Variants in WDTC1 observed in about 807,000 individuals in gnomAD.
WDTC1 encodes WD and tetratricopeptide repeats 1.
In WDTC1, 12 loss-of-function variants were observed where a neutral mutation model predicts 76.0. That is an observed-to-expected ratio of 0.16 (90% confidence interval 0.10 to 0.26). WDTC1 has a LOEUF of 0.26. Ranked by LOEUF, WDTC1 falls within the 10% of genes least tolerant of loss-of-function variation. WDTC1 has a pLI of 1.00. For synonymous variants in WDTC1, 326 were observed against 350.8 expected (o/e 0.93, Z 0.79); for missense variants, 511 against 908.8 (o/e 0.56, Z 5.63).
chr1:27,249,233 C>T (rs2011954060), intron 1 of WDTC1, among the ~76,000 whole-genome samples: 1 of 149,494 alleles, frequency 6.7e-6, no homozygotes, highest in African/African-American at 2.5e-5. Flanking sequence ...GGCACCACTG[C>T]ACTCCAGCCT....
intron 5 of WDTC1, among the ~76,000 whole-genome samples, chr1:27,285,009 A>G (rs1445923600): frequency 7.3e-6 from 1 of 136,334 alleles, no homozygotes; most frequent in Admixed American, 7.4e-5. Context: ...AATCATGTCT[A>G]TTTCATCTAG....
At chr1:27,245,316 T>C (rs1171196867) in intron 1 of WDTC1, among the ~76,000 whole-genome samples, 1 of 151,802 alleles carries the variant, frequency 6.6e-6, no homozygotes, top group Non-Finnish European at 1.5e-5. Flanking sequence ...AGTCATGCCA[T>C]TATTCATTCA....
intron 1 of WDTC1, among the ~76,000 whole-genome samples, chr1:27,240,889 C>T (rs1033613896): frequency 2.7e-5 from 4 of 149,968 alleles, no homozygotes; most frequent in African/African-American, 7.3e-5. Flanking sequence ...GCAGGAGAAT[C>T]GCATGAACTC....
Position 27,303,676 on chromosome 1 carries a change from C to A in WDTC1, c.1524C>A (p.Arg508=). The change falls in exon 14 of 16, where the codon CGC becomes CGA. Residue 508 remains arginine, a synonymous_variant. Coordinates refer to ENST00000319394, the MANE Select transcript of WDTC1 (RefSeq NM_001276252.2). This position sits in a 1 kb window ranked among gnomAD's most constrained non-coding sequence, Gnocchi z 4.8. ...CAGTCCGCCTCCGCAGCACGAGCCGCAAGGACTCCATCTCAGAGGATGAAA... is the reference window on the plus strand; with the variant it reads ...CAGTCCGCCTCCGCAGCACGAGCCGAAAGGACTCCATCTCAGAGGATGAAA... ...GAPVRLRSTS[R]KDSISEDEMV... is the part of the protein sequence containing the mutation. 1 of 1,613,238 alleles carries A rather than the reference C, an allele frequency of 6.2e-7. No individual in the cohort carries two copies.
At chr1:27,260,079 T>G (rs1273916673) in intron 1 of WDTC1, among the ~76,000 whole-genome samples, 1 of 151,588 alleles carries the variant, frequency 6.6e-6, no homozygotes, top group Non-Finnish European at 1.5e-5. Flanking sequence ...CCTACCAGGA[T>G]TTTTTTTGTT....
At chr1:27,242,748 C>T (rs1031886887) in intron 1 of WDTC1, among the ~76,000 whole-genome samples, 12 of 152,276 alleles carry the variant, frequency 7.9e-5, no homozygotes, top group Non-Finnish European at 1.5e-4. Flanking sequence ...GGATTACAGG[C>T]GTGAGCCACC....
At chr1:27,239,402 T>G (rs983542449) in intron 1 of WDTC1, among the ~76,000 whole-genome samples, 4 of 150,656 alleles carry the variant, frequency 2.7e-5, no homozygotes, top group African/African-American at 9.7e-5. Context: ...TGTGCCTGTA[T>G]TCCCATCTAC....
intron 14 of WDTC1, chr1:27,304,196 G>A: frequency 4.4e-6 from 1 of 226,716 alleles, no homozygotes; most frequent in Non-Finnish European, 8.7e-6. Flanking sequence ...TCTGTTTTGT[G>A]CTCAAAACTG....
At chr1:27,269,901 C>T (rs1303121077) in intron 3 of WDTC1, among the ~76,000 whole-genome samples, 7 of 140,898 alleles carry the variant, frequency 5.0e-5, no homozygotes, top group Middle Eastern at 3.5e-3. Context: ...TGAGCCACCA[C>T]GCCCGGCCTT....
intron 3 of WDTC1, among the ~76,000 whole-genome samples, chr1:27,273,642 T>G (rs2012937743): frequency 6.6e-6 from 1 of 152,318 alleles, no homozygotes; most frequent in African/African-American, 2.4e-5. Flanking sequence ...GACTATACGT[T>G]AGACAACAGT....
intron 5 of WDTC1, among the ~76,000 whole-genome samples, chr1:27,287,162 CA>C (rs879373974): frequency 2.9e-4 from 36 of 125,210 alleles, no homozygotes; most frequent in Non-Finnish European, 2.7e-4. Context: ...GACGCTGTCT[CA>C]AAAAAAAAAA....
At chr1:27,275,198 T>C (rs2012986592) in intron 3 of WDTC1, among the ~76,000 whole-genome samples, 1 of 152,228 alleles carries the variant, frequency 6.6e-6, no homozygotes, top group African/African-American at 2.4e-5. Flanking sequence ...TTGTTTCTTA[T>C]ATTATTTTAG....
At chr1:27,237,885 A>AG (rs1420136034) in intron 1 of WDTC1, among the ~76,000 whole-genome samples, 2 of 151,768 alleles carry the variant, frequency 1.3e-5, no homozygotes, top group South Asian at 2.1e-4. Flanking sequence ...AGAAAAGAAA[A>AG]GAAAAAAAAG....
At chr1:27,285,278 C>T (rs181670791) in intron 5 of WDTC1, among the ~76,000 whole-genome samples, 1 of 152,150 alleles carries the variant, frequency 6.6e-6, no homozygotes, top group African/African-American at 2.4e-5. Flanking sequence ...CTCAGGTTAT[C>T]CACCCACCTA....
Position 27,303,390 on chromosome 1 carries a change from G to A in WDTC1, c.1469-231G>A, listed in dbSNP as rs1475652909. 1.3e-5 allele frequency among the ~76,000 whole-genome samples: 2 copies of A among 152,142 alleles called. No individual in the cohort carries two copies. The highest frequency in any genetic ancestry group is 2.9e-5 in the Non-Finnish European group (2 of 68,022). On this transcript the variant is annotated intron_variant, in intron 13 of 15. Coordinates refer to ENST00000319394, the MANE Select transcript of WDTC1 (RefSeq NM_001276252.2). This position sits in a 1 kb window ranked among gnomAD's most constrained non-coding sequence, Gnocchi z 4.8. ...TGGGGCTTTCAGGCCCTCATTTAGG[G>A]ACCTGAACCAGGGCCCTCCTGGCAT...
intron 12 of WDTC1, among the ~76,000 whole-genome samples, chr1:27,298,489 G>A (rs1446945788): frequency 3.7e-4 from 56 of 152,212 alleles, no homozygotes; most frequent in Admixed American, 3.7e-3. Flanking sequence ...GTGGAAATGA[G>A]GGGTTTGGTG....
intron 5 of WDTC1, among the ~76,000 whole-genome samples, chr1:27,287,438 C>T (rs969143712): frequency 5.9e-5 from 9 of 151,996 alleles, no homozygotes; most frequent in Non-Finnish European, 1.3e-4. Context: ...GGCACAATCT[C>T]GGCTCACTGC....
chr1:27,262,319 T>A (rs2012506133), intron 2 of WDTC1, among the ~76,000 whole-genome samples: 1 of 152,188 alleles, frequency 6.6e-6, no homozygotes, highest in Non-Finnish European at 1.5e-5. Context: ...TATGTGCCTC[T>A]ACATGAGCCA....
chr1:27,252,753 G>A lies in WDTC1; in HGVS notation c.-99-8203G>A, dbSNP rs550350813. On this transcript the variant is annotated intron_variant, in intron 1 of 15. Coordinates refer to ENST00000319394, the MANE Select transcript of WDTC1 (RefSeq NM_001276252.2). ...GTGGAGGCTGCATTGAGCTGAGATC[G>A]CACCACTGCACCCCAGCCTGGGTGA... Among the ~76,000 whole-genome samples, 6 of 151,588 alleles carry A rather than the reference G, an allele frequency of 4.0e-5. No individual in the cohort carries two copies. The East Asian group carries it at 5.9e-4, about 15-fold the overall frequency.
Sources: gnomAD v4.1 joint callset for allele counts (sites outside exome capture counted in the v4.1 genomes callset) on GRCh38, gnomAD v4.1.1 for gene constraint, Gnocchi (gnomAD v3.1) non-coding constraint, MANE v1.5 for transcripts, NCBI Gene and HGNC (gene_info 2026-07-23, HGNC 2026-07-21) for gene names.